SPAG16: variants seen among roughly 807,000 people sequenced by gnomAD.
SPAG16 encodes the protein sperm-associated antigen 16 protein.
In SPAG16, 86 loss-of-function variants were observed where a neutral mutation model predicts 80.4. The ratio of observed to expected loss-of-function variants is 1.07; its 90% CI spans 0.90 to 1.28. The LOEUF (loss-of-function observed/expected upper bound fraction) is 1.28. SPAG16 is among the 50% of genes most tolerant of loss of function. The pLI, the probability that SPAG16 is intolerant of heterozygous loss-of-function variation, is 0.00. For synonymous variants in SPAG16, 294 were observed against 265.9 expected (o/e 1.11, Z -1.03); for missense variants, 870 against 765.3 (o/e 1.14, Z -1.61).
chr2:214,176,246 T>C (rs2057074920), intron 15 of SPAG16, among the ~76,000 whole-genome samples: 1 of 151,250 alleles, frequency 6.6e-6, no homozygotes, highest in Admixed American at 6.6e-5. Context: ...TAGATAAATG[T>C]TAAGATACTG....
chr2:213,578,054 A>G (rs1239677077), intron 10 of SPAG16, among the ~76,000 whole-genome samples: 2 of 152,098 alleles, frequency 1.3e-5, no homozygotes, highest in Non-Finnish European at 2.9e-5. Flanking sequence ...CCTCTGTTCC[A>G]ATACATTGTA....
At chr2:213,492,952 T>C (rs898473188) in intron 10 of SPAG16, among the ~76,000 whole-genome samples, 8 of 152,178 alleles carry the variant, frequency 5.3e-5, no homozygotes, top group African/African-American at 1.9e-4. Context: ...TATTTTTCTC[T>C]CTCTCTCTCG....
intron 15 of SPAG16, among the ~76,000 whole-genome samples, chr2:214,191,601 C>G (rs1000884010): frequency 6.6e-6 from 1 of 150,508 alleles, no homozygotes; most frequent in Non-Finnish European, 1.5e-5. Context: ...CTAATCACAG[C>G]TAGGTGGGAG....
At chr2:214,039,195 C>T (rs1045040455) in intron 13 of SPAG16, among the ~76,000 whole-genome samples, 1 of 152,202 alleles carries the variant, frequency 6.6e-6, no homozygotes, top group South Asian at 2.1e-4. Context: ...CACATCCTCT[C>T]CAGCACCTGT....
chr2:214,209,553 A>C (rs1010345937), intron 15 of SPAG16, among the ~76,000 whole-genome samples: 5 of 152,186 alleles, frequency 3.3e-5, no homozygotes, highest in African/African-American at 1.2e-4. Context: ...TTGCTCTTCA[A>C]CATCTTGAAA....
At chr2:213,378,886 GAC>G (rs1255937005) in intron 9 of SPAG16, among the ~76,000 whole-genome samples, 2 of 152,162 alleles carry the variant, frequency 1.3e-5, no homozygotes, top group African/African-American at 4.8e-5. Flanking sequence ...AATACTAAGA[GAC>G]ATCCTAGTGG....
intron 1 of SPAG16, among the ~76,000 whole-genome samples, chr2:213,291,785 C>T (rs760652333): frequency 6.6e-5 from 10 of 152,194 alleles, no homozygotes; most frequent in Admixed American, 1.3e-4. Flanking sequence ...TTGTCATTCA[C>T]AGCTGTGTGA....
chr2:214,323,883 CATT>C (rs1483004555), intron 15 of SPAG16, among the ~76,000 whole-genome samples: 1 of 152,124 alleles, frequency 6.6e-6, no homozygotes, highest in Non-Finnish European at 1.5e-5. Context: ...AGGTAAGAAA[CATT>C]ATATGTAAAG....
At chr2:213,748,941 G>C (rs1015721962) in intron 10 of SPAG16, among the ~76,000 whole-genome samples, 1 of 152,172 alleles carries the variant, frequency 6.6e-6, no homozygotes, top group Non-Finnish European at 1.5e-5. Flanking sequence ...GAGGTCAGGA[G>C]ATCGAGACCA....
At chr2:213,485,562 T>G (rs2073940212) in intron 9 of SPAG16, among the ~76,000 whole-genome samples, 1 of 152,130 alleles carries the variant, frequency 6.6e-6, no homozygotes, top group Non-Finnish European at 1.5e-5. Flanking sequence ...ATGCATTTTT[T>G]TTTTTCATTT....
chr2:213,824,725 T>C (rs2073163311), intron 10 of SPAG16, among the ~76,000 whole-genome samples: 1 of 152,158 alleles, frequency 6.6e-6, no homozygotes, highest in Non-Finnish European at 1.5e-5. Flanking sequence ...CTATTCTGGG[T>C]CTTTTGTGGC....
At chr2:213,718,311 G>A (rs1358020042) in intron 10 of SPAG16, among the ~76,000 whole-genome samples, 1 of 151,954 alleles carries the variant, frequency 6.6e-6, no homozygotes, top group Non-Finnish European at 1.5e-5. Flanking sequence ...GAGATACTGA[G>A]AGGTGACAGC....
intron 12 of SPAG16, among the ~76,000 whole-genome samples, 181 bp from the exon 13 acceptor site, chr2:214,013,770 A>G (rs2047439239): frequency 1.3e-5 from 2 of 152,174 alleles, no homozygotes; most frequent in African/African-American, 4.8e-5. Flanking sequence ...TATGCTACTA[A>G]TCGTATAAAG....
At chr2:214,070,553 T>C (rs536456042) in intron 13 of SPAG16, among the ~76,000 whole-genome samples, 167 of 152,244 alleles carry the variant, frequency 1.1e-3, no homozygotes, top group African/African-American at 3.9e-3. Context: ...TTATTTGTTT[T>C]ACTCCAGTAT....
chr2:213,393,345 G>A (rs1298737251), intron 9 of SPAG16, among the ~76,000 whole-genome samples: 5 of 151,278 alleles, frequency 3.3e-5, no homozygotes, highest in African/African-American at 9.7e-5. Flanking sequence ...TTCAATTAAT[G>A]TTTTAGTTAA....
chr2:214,341,070 C>A (rs756961948), intron 15 of SPAG16, among the ~76,000 whole-genome samples: 5 of 152,152 alleles, frequency 3.3e-5, no homozygotes, highest in Non-Finnish European at 7.3e-5. Flanking sequence ...TGTGAATACA[C>A]TGGTGTCCCC....
intron 10 of SPAG16, among the ~76,000 whole-genome samples, chr2:213,731,928 AT>A (rs1392141723): frequency 6.6e-6 from 1 of 151,888 alleles, no homozygotes; most frequent in Non-Finnish European, 1.5e-5. Flanking sequence ...ATTAGATTCC[AT>A]TTGTCAATTT....
intron 13 of SPAG16, among the ~76,000 whole-genome samples, chr2:214,095,464 T>C (rs2052528497): frequency 6.6e-6 from 1 of 152,104 alleles, no homozygotes; most frequent in Non-Finnish European, 1.5e-5. Flanking sequence ...AGCTCAAACT[T>C]TGGATTTAAA....
chr2:214,149,379 AATATTACATT>A (rs2125568539), intron 15 of SPAG16, 113 bp downstream of exon 15: 2 of 1,007,674 alleles, frequency 2.0e-6, no homozygotes, highest in Non-Finnish European at 1.3e-6. Context: ...GTCTGTTCTT[AATATTACATT>A]ATATTACATT....
Sources: gnomAD v4.1 joint callset for allele counts (sites outside exome capture counted in the v4.1 genomes callset) on GRCh38, gnomAD v4.1.1 for gene constraint, MANE v1.5 for transcripts, NCBI Gene and HGNC (gene_info 2026-07-23, HGNC 2026-07-21) for gene names.